The following ADAM17 variants were observed in gnomAD, a reference collection of about 807,000 sequenced individuals.
ADAM17 encodes the protein disintegrin and metalloproteinase domain-containing protein 17.
Under a neutral mutation model 96.7 loss-of-function variants are expected in ADAM17, and 39 were observed. That is an observed-to-expected ratio of 0.40 (90% CI 0.31 to 0.53). ADAM17 has a LOEUF of 0.53. ADAM17 is among the 20% of genes least tolerant of loss of function. The pLI is 0.44. For missense variants in ADAM17, 777 were observed against 1,013.2 expected, an observed-to-expected ratio of 0.77 and a Z score of 3.17; for synonymous variants, 344 against 359.2, an observed-to-expected ratio of 0.96 and a Z score of 0.48.
chr2:9,504,716 C>T (rs1217030894), intron 12 of ADAM17, among the ~76,000 whole-genome samples: 3 of 149,034 alleles, frequency 2.0e-5, no homozygotes, highest in South Asian at 2.1e-4. Context: ...AAGCCAAGAT[C>T]GCGCCACTGC....
intron 2 of ADAM17, among the ~76,000 whole-genome samples, chr2:9,537,072 A>T (rs1440570777): frequency 6.6e-6 from 1 of 152,214 alleles, no homozygotes; most frequent in African/African-American, 2.4e-5. Flanking sequence ...TATTCAAAGA[A>T]CTTATACATT....
intron 15 of ADAM17, 40 bp downstream of exon 15, chr2:9,494,597 T>C (rs1221681141): frequency 6.2e-7 from 1 of 1,604,856 alleles, no homozygotes. Flanking sequence ...AAAAACTTCC[T>C]ATCTGGCTGT....
intron 11 of ADAM17, chr2:9,507,110 G>C (rs563632994): frequency 6.6e-6 from 1 of 152,266 alleles, no homozygotes; most frequent in Non-Finnish European, 1.5e-5. Context: ...AGGGTGATGG[G>C]TTCTGTCTTT....
chr2:9,529,918 C>A (rs536623831), intron 4 of ADAM17, among the ~76,000 whole-genome samples: 1 of 151,950 alleles, frequency 6.6e-6, no homozygotes, highest in African/African-American at 2.4e-5. Context: ...TTGCAGTGAT[C>A]GTGCCACTGC....
At chr2:9,508,022 T>A (rs145268190) in intron 11 of ADAM17, among the ~76,000 whole-genome samples, 8 of 152,306 alleles carry the variant, frequency 5.3e-5, no homozygotes, top group Non-Finnish European at 1.0e-4. Flanking sequence ...GGCAAGTTCT[T>A]ACAGGGCTGT....
At chr2:9,543,055 G>A in intron 2 of ADAM17, 98 bp downstream of exon 2, 1 of 1,341,574 alleles carries the variant, frequency 7.5e-7, no homozygotes, top group South Asian at 1.6e-5. Context: ...TCTTTAAAAT[G>A]TAATTTCCCA....
chr2:9,536,827 G>C lies in ADAM17; in HGVS notation c.232C>G (p.His78Asp), dbSNP rs77759270. ...CTTGATGTCAGGTATAATTTAAAATGCCTGAAGAAAAATGCATTCATATTT... is the reference window on the plus strand; with the variant it reads ...CTTGATGTCAGGTATAATTTAAAATCCCTGAAGAAAAATGCATTCATATTT... ...TLLTFSALKR[H>D]FKLYLTSSTE... The change falls in exon 3 of 19, where the codon CAT (histidine) becomes GAT (aspartate). Residue 78 changes from histidine to aspartate, a missense_variant and splice_region_variant. Around this residue, in one of 3 missense-constraint regions of ADAM17, gnomAD observed 134 missense variants for 129.1 expected, o/e 1.04. Coordinates refer to ENST00000310823, the MANE Select transcript of ADAM17 (RefSeq NM_003183.6). 5.0e-4 allele frequency: 811 copies of C among 1,613,178 alleles called. 2 individuals carry two copies. In the African/African-American group the frequency reaches 9.8e-3, roughly 20 times the overall value.
Position 9,489,469 on chromosome 2 carries a change from A to G in ADAM17, c.*708T>C, listed in dbSNP as rs1661905892. ...TAAAATACAGAAAAACTGCCCAGCA[A>G]ATCAGGGCCCTAAACAGTTGGTAGA... is the stretch of plus-strand genomic sequence containing the variant. On this transcript the variant is annotated 3_prime_UTR_variant, in exon 19 of 19. Coordinates refer to ENST00000310823, the MANE Select transcript of ADAM17 (RefSeq NM_003183.6). The G allele has an allele frequency of 6.6e-6, 1 of 152,152 alleles. No homozygotes were observed. Among genetic ancestry groups the G allele is most frequent in the Non-Finnish European group, 1.5e-5 (1 of 67,996 alleles). 9.4% of individuals were successfully genotyped at this position (152,152 alleles called of 1,614,324 possible). A position where few individuals can be genotyped will look rare whatever the true frequency, so the allele number is the denominator to read the frequency against.
intron 12 of ADAM17, among the ~76,000 whole-genome samples, chr2:9,502,739 C>T (rs367736232): frequency 1.3e-5 from 2 of 151,286 alleles, no homozygotes; most frequent in East Asian, 1.9e-4. Flanking sequence ...ATTAGCTGGG[C>T]GTGGTGGTGC....
At chr2:9,494,916 C>T (rs1465610528) in intron 14 of ADAM17, 149 bp from the exon 15 acceptor site, 1 of 925,976 alleles carries the variant, frequency 1.1e-6, no homozygotes, top group African/African-American at 1.7e-5. Flanking sequence ...ATAGCCCCCA[C>T]CAAGGAGTAG....
At chr2:9,514,525 ATATATATATATATATAT>A (rs1663938982) in intron 10 of ADAM17, among the ~76,000 whole-genome samples, 43 of 5,722 alleles carry the variant, frequency 7.5e-3, no homozygotes, top group African/African-American at 0.033. Flanking sequence ...ATAAATATAT[ATATATATATATATATAT>A]ATATATATAT....
At chr2:9,523,403 T>C in intron 6 of ADAM17, 65 bp from the exon 7 acceptor site, 1 of 1,363,334 alleles carries the variant, frequency 7.3e-7, no homozygotes, top group Non-Finnish European at 1.0e-6. Context: ...CAATGCAATA[T>C]AAAATCTATG....
At chr2:9,525,356 G>A (rs529047279) in intron 6 of ADAM17, among the ~76,000 whole-genome samples, 4 of 151,232 alleles carry the variant, frequency 2.6e-5, no homozygotes, top group African/African-American at 9.7e-5. Flanking sequence ...AGTTGGGAGG[G>A]TATGAATAAA....
chr2:9,547,434 A>T (rs1665435640), intron 1 of ADAM17, among the ~76,000 whole-genome samples: 1 of 152,228 alleles, frequency 6.6e-6, no homozygotes, highest in African/African-American at 2.4e-5. Flanking sequence ...CAGACACAGC[A>T]GGGGCATGAT....
rs6705408 is a variant in ADAM17 at position 9,490,102 on chromosome 2, C to T, written c.*75G>A. ...GTCACTTCCCAGTCTTCACAAAATA[C>T]AAGCTGTGATTGATTTGTAGGTCAA... On this transcript the variant is annotated 3_prime_UTR_variant, in exon 19 of 19. Transcript: ENST00000310823. 0.57 allele frequency: 769,745 copies of T among 1,353,458 alleles called. 228,161 individuals are homozygous for T. Among genetic ancestry groups the T allele is most frequent in the African/African-American group, 0.71 (48,855 of 68,674 alleles). The allele number at this position is 1,353,458 out of a possible 1,614,324, so 83.8% of individuals were successfully genotyped here.
In ADAM17 at chr2:9,489,934, A is replaced by G. The variant is rs1572866900; in HGVS notation, c.*243T>C. 4 of 439,454 alleles carry G rather than the reference A, an allele frequency of 9.1e-6. No homozygotes were observed. In the East Asian group the frequency reaches 1.4e-4, roughly 15 times the overall value. The allele number at this position is 439,454 out of a possible 1,614,324, so 27.2% of individuals were successfully genotyped here. A position where few individuals can be genotyped will look rare whatever the true frequency, so the allele number is the denominator to read the frequency against. On this transcript the variant is annotated 3_prime_UTR_variant, in exon 19 of 19. Transcript: ENST00000310823. The stretch of plus-strand genomic sequence containing the variant: ...TTTTCTGCTTTTGCACCACAGGTCA[A>G]AAGATATTTTAAAAACTAAAACCTG...
intron 4 of ADAM17, among the ~76,000 whole-genome samples, 197 bp from the exon 5 acceptor site, chr2:9,528,151 T>G (rs1479187366): frequency 6.7e-6 from 1 of 149,630 alleles, no homozygotes; most frequent in East Asian, 1.9e-4. Flanking sequence ...ATACATAGAT[T>G]ATAAACTCTG....
At position 9,490,236 on chromosome 2, in the gene ADAM17, C is replaced by G. The variant is rs761391373; in HGVS notation, c.2416G>C (p.Ala806Pro). 25 of 1,609,752 alleles carry G rather than the reference C, an allele frequency of 1.6e-5. 1 individual carries two copies. The highest frequency in any genetic ancestry group is 6.7e-5 in the Admixed American group (4 of 59,940). ...TGACGCTGCAGTTTAAAGGAGGCAG[C>G]CTTTTCACTTCTGGTGACCGGATGG... ...TDHPVTRSEK[A>P]ASFKLQRQNR... is the part of the protein sequence containing the mutation. Residue 806 changes from alanine (A) to proline (P), a missense_variant, in exon 19 of 19, where the codon GCT (alanine) becomes CCT (proline). Physicochemically the swap from Ala to Pro is conservative, Grantham distance 27 (BLOSUM62 -1). Around this residue, in one of 3 missense-constraint regions of ADAM17, gnomAD observed 197 missense variants for 219.4 expected, o/e 0.90. Coordinates refer to ENST00000310823, the MANE Select transcript of ADAM17 (RefSeq NM_003183.6).
At chr2:9,536,983 A>T (rs1664984473) in intron 2 of ADAM17, among the ~76,000 whole-genome samples, 155 bp from the exon 3 acceptor site, 1 of 152,216 alleles carries the variant, frequency 6.6e-6, no homozygotes. Flanking sequence ...AGAGCAATAT[A>T]TCTCCTGTAA....
Sources: gnomAD v4.1 joint callset for allele counts (sites outside exome capture counted in the v4.1 genomes callset) on GRCh38, gnomAD v4.1.1 for gene constraint, gnomAD v4.1.1 regional missense constraint, MANE v1.5 for transcripts, NCBI Gene and HGNC (gene_info 2026-07-23, HGNC 2026-07-21) for gene names.